CLSTN2: variants seen among roughly 807,000 people sequenced by gnomAD.
The protein encoded by CLSTN2 is calsyntenin 2.
CLSTN2 carries 48 observed loss-of-function variants against 101.2 expected under a neutral mutation model. The ratio of observed to expected loss-of-function variants is 0.47; its 90% CI spans 0.38 to 0.60. CLSTN2 has a LOEUF of 0.60. CLSTN2 is among the 20% of genes least tolerant of loss of function. The probability of loss-of-function intolerance (pLI) is 0.00; values close to 1 mark genes in which losing one functional copy is unlikely to be tolerated. For missense variants in CLSTN2, 1,160 were observed against 1,238.2 expected, an observed-to-expected ratio of 0.94 and a Z score of 0.95; for synonymous variants, 481 against 463.6, an observed-to-expected ratio of 1.04 and a Z score of -0.48.
At chr3:140,330,743 T>A (rs1207025967) in intron 2 of CLSTN2, among the ~76,000 whole-genome samples, 28 of 152,170 alleles carry the variant, frequency 1.8e-4, no homozygotes, top group Admixed American at 1.7e-3. Context: ...AAAATTCGGA[T>A]TCTGTGAAAA....
At chr3:140,030,814 C>T (rs1354962489) in intron 1 of CLSTN2, among the ~76,000 whole-genome samples, 1 of 152,198 alleles carries the variant, frequency 6.6e-6, no homozygotes, top group African/African-American at 2.4e-5. Flanking sequence ...ACTAAGTACC[C>T]AAAATGGCAG....
At chr3:139,989,994 A>G (rs1434360267) in intron 1 of CLSTN2, among the ~76,000 whole-genome samples, 1 of 152,224 alleles carries the variant, frequency 6.6e-6, no homozygotes, top group Non-Finnish European at 1.5e-5. Flanking sequence ...AGATGGCTGA[A>G]CTATAAACTC....
intron 2 of CLSTN2, among the ~76,000 whole-genome samples, chr3:140,380,684 T>C (rs561141843): frequency 9.8e-5 from 15 of 152,322 alleles, no homozygotes; most frequent in African/African-American, 3.4e-4. Context: ...CCAACTCTGA[T>C]GCATAACTCC....
At chr3:140,027,791 C>T (rs971401841) in intron 1 of CLSTN2, among the ~76,000 whole-genome samples, 6 of 152,154 alleles carry the variant, frequency 3.9e-5, no homozygotes, top group Non-Finnish European at 7.4e-5. Flanking sequence ...AATTTTGTTT[C>T]CGCAAAGATC....
chr3:140,576,204 T>C lies in CLSTN2; in HGVS notation c.*9951T>C, dbSNP rs1182900940. Reference sequence around the variant, plus strand: ...TTCAGCCAGCCGCAGACACAAGGTCTGGCTCCCTTGTCGTGAGAGTGAAGG... The same window carrying C: ...TTCAGCCAGCCGCAGACACAAGGTCCGGCTCCCTTGTCGTGAGAGTGAAGG... On this transcript the variant is annotated 3_prime_UTR_variant, in exon 17 of 17. Coordinates refer to ENST00000458420, the MANE Select transcript of CLSTN2 (RefSeq NM_022131.3). 2 of 152,208 alleles carry C rather than the reference T, an allele frequency of 1.3e-5. No homozygotes were observed. Among genetic ancestry groups the C allele is most frequent in the African/African-American group, 2.4e-5 (1 of 41,456 alleles). The allele number at this position is 152,208 out of a possible 1,614,324, so 9.4% of individuals were successfully genotyped here. A position where few individuals can be genotyped will look rare whatever the true frequency, so the allele number is the denominator to read the frequency against.
chr3:140,329,358 C>G (rs1436493681), intron 2 of CLSTN2, among the ~76,000 whole-genome samples: 8 of 152,212 alleles, frequency 5.3e-5, no homozygotes, highest in Non-Finnish European at 1.0e-4. Flanking sequence ...TGCGCTCCAT[C>G]CTGGGTGACA....
chr3:140,513,516 T>A (rs1211473452), intron 8 of CLSTN2, among the ~76,000 whole-genome samples: 3 of 152,104 alleles, frequency 2.0e-5, no homozygotes, highest in Admixed American at 2.0e-4. Flanking sequence ...CTGCCAGTAT[T>A]TCGTTGATAA....
intron 1 of CLSTN2, among the ~76,000 whole-genome samples, chr3:140,102,879 AC>A (rs2008992580): frequency 6.6e-6 from 1 of 151,964 alleles, no homozygotes; most frequent in Non-Finnish European, 1.5e-5. Context: ...TAAGCAATTT[AC>A]CCAACCCTTC....
At chr3:140,367,025 A>T (rs2087799381) in intron 2 of CLSTN2, among the ~76,000 whole-genome samples, 1 of 152,138 alleles carries the variant, frequency 6.6e-6, no homozygotes, top group Non-Finnish European at 1.5e-5. Flanking sequence ...GGGCATGGTG[A>T]TTAAGCACTT....
At chr3:140,295,564 A>T (rs1444561416) in intron 2 of CLSTN2, among the ~76,000 whole-genome samples, 1 of 152,028 alleles carries the variant, frequency 6.6e-6, no homozygotes. Flanking sequence ...TTCTAGCTTT[A>T]TTTTTTCCCT....
intron 9 of CLSTN2, among the ~76,000 whole-genome samples, chr3:140,543,886 C>T (rs1043601007): frequency 6.6e-6 from 1 of 152,200 alleles, no homozygotes; most frequent in African/African-American, 2.4e-5. Context: ...CAGGTGATGG[C>T]TTCATCCTGG....
intron 2 of CLSTN2, among the ~76,000 whole-genome samples, chr3:140,199,158 T>C (rs142019555): frequency 2.0e-4 from 30 of 152,326 alleles, no homozygotes; most frequent in African/African-American, 7.2e-4. Flanking sequence ...TGAGTTTCCT[T>C]ATCTTGTAAG....
At chr3:139,954,090 A>G (rs981158735) in intron 1 of CLSTN2, among the ~76,000 whole-genome samples, 2 of 152,142 alleles carry the variant, frequency 1.3e-5, no homozygotes, top group African/African-American at 2.4e-5. Flanking sequence ...TAAGCAGAGT[A>G]CCTGATAGGT....
intron 2 of CLSTN2, among the ~76,000 whole-genome samples, chr3:140,359,141 GA>G (rs74431387): frequency 0.094 from 12,185 of 129,922 alleles, 537 homozygotes; most frequent in African/African-American, 0.13. Flanking sequence ...GGCATTTGTA[GA>G]AAAAAAAAAA....
intron 1 of CLSTN2, among the ~76,000 whole-genome samples, chr3:139,981,699 A>G (rs1287359691): frequency 2.0e-5 from 3 of 152,204 alleles, no homozygotes; most frequent in South Asian, 2.1e-4. Flanking sequence ...GCCTAAAGCT[A>G]TGTAGCTGCT....
At chr3:140,358,931 G>A (rs141802858) in intron 2 of CLSTN2, among the ~76,000 whole-genome samples, 2 of 152,282 alleles carry the variant, frequency 1.3e-5, no homozygotes, top group Middle Eastern at 3.4e-3. Flanking sequence ...TGGAACAAAT[G>A]AGAGAGCAGA....
At chr3:140,089,971 CTTTTTTTTTT>C (rs58418539) in intron 1 of CLSTN2, among the ~76,000 whole-genome samples, 2 of 49,648 alleles carry the variant, frequency 4.0e-5, no homozygotes, top group Non-Finnish European at 7.1e-5. Flanking sequence ...CTAGGATTGG[CTTTTTTTTTT>C]TTTTTTTTTT....
At chr3:140,293,323 G>C (rs995578) in intron 2 of CLSTN2, among the ~76,000 whole-genome samples, 7,386 of 152,180 alleles carry the variant, frequency 0.049, 412 homozygotes, top group African/African-American at 0.13. Context: ...AGTAGGCCTA[G>C]CTTGAGCACA....
At chr3:140,533,494 G>T (rs1935300805) in intron 9 of CLSTN2, among the ~76,000 whole-genome samples, 1 of 152,030 alleles carries the variant, frequency 6.6e-6, no homozygotes, top group Non-Finnish European at 1.5e-5. Context: ...CAGATCACGA[G>T]GTCAGGAGAT....
Sources: allele counts gnomAD v4.1 joint callset (sites outside exome capture counted in the v4.1 genomes callset), GRCh38; gene constraint gnomAD v4.1.1; transcripts MANE v1.5; gene names NCBI Gene and HGNC (gene_info 2026-07-23, HGNC 2026-07-21).